ETV6: variants seen among roughly 807,000 people sequenced by gnomAD.
ETV6 encodes transcription factor ETV6.
A neutral mutation model predicts 51.1 loss-of-function variants in ETV6; 16 were observed. The ratio of observed to expected loss-of-function variants is 0.31; its 90% CI spans 0.21 to 0.48. The LOEUF is 0.48. Ranked by LOEUF, ETV6 falls within the 20% of genes least tolerant of loss-of-function variation. The pLI, the probability that ETV6 is intolerant of heterozygous loss-of-function variation, is 0.99. For missense variants in ETV6, 458 were observed against 594.8 expected (o/e 0.77, Z 2.39); for synonymous variants, 240 against 224.1 (o/e 1.07, Z -0.64).
intron 4 of ETV6, among the ~76,000 whole-genome samples, chr12:11,854,175 C>G (rs1004901477): frequency 6.6e-6 from 1 of 152,036 alleles, no homozygotes; most frequent in Non-Finnish European, 1.5e-5. Context: ...GAGTGTGCAA[C>G]TAGATCCCGC....
At chr12:11,741,522 C>T (rs1426910361) in intron 1 of ETV6, among the ~76,000 whole-genome samples, 1 of 152,186 alleles carries the variant, frequency 6.6e-6, no homozygotes, top group African/African-American at 2.4e-5. Context: ...GACACTGCTC[C>T]GTGTGGAGCT....
At position 11,800,745 on chromosome 12, in the gene ETV6, C is replaced by CG. The variant is rs199698534; in HGVS notation, c.164-38395_164-38394insG. On this transcript the variant is annotated intron_variant, in intron 2 of 7. Coordinates refer to ENST00000396373, the MANE Select transcript of ETV6 (RefSeq NM_001987.5). The stretch of plus-strand genomic sequence containing the variant: ...TCTTCATGAGAATGAAGTTACCCCC[C>CG]CAGAAAGGGGGACCAGTTACTCCCC... 5.5e-3 allele frequency among the ~76,000 whole-genome samples: 833 copies of CG among 152,176 alleles called. 11 individuals are homozygous for CG. The highest frequency in any genetic ancestry group is 0.019 in the African/African-American group (794 of 41,504).
intron 1 of ETV6, among the ~76,000 whole-genome samples, chr12:11,653,808 A>G (rs907169059): frequency 2.0e-5 from 3 of 151,872 alleles, no homozygotes; most frequent in African/African-American, 4.9e-5. Context: ...TTTTGATACA[A>G]TAATGTTTTA....
At chr12:11,773,224 T>C (rs549799549) in intron 2 of ETV6, among the ~76,000 whole-genome samples, 24 of 151,012 alleles carry the variant, frequency 1.6e-4, no homozygotes, top group African/African-American at 5.8e-4. Flanking sequence ...GAAATCTTGA[T>C]CTTATTGCCT....
intron 2 of ETV6, among the ~76,000 whole-genome samples, chr12:11,791,613 T>C (rs920672765): frequency 2.0e-5 from 3 of 152,220 alleles, no homozygotes; most frequent in Non-Finnish European, 1.5e-5. Flanking sequence ...TATATCTCCT[T>C]TGTTACAAGA....
At chr12:11,744,127 A>G (rs1185014241) in intron 1 of ETV6, among the ~76,000 whole-genome samples, 2 of 152,164 alleles carry the variant, frequency 1.3e-5, no homozygotes, top group Non-Finnish European at 1.5e-5. Flanking sequence ...TCACGTGGCA[A>G]TAGTACATGC....
intron 2 of ETV6, among the ~76,000 whole-genome samples, chr12:11,789,602 C>G (rs78289924): frequency 6.6e-6 from 1 of 152,102 alleles, no homozygotes; most frequent in Non-Finnish European, 1.5e-5. Context: ...GGGGAGGCAA[C>G]TTTATTGAGA....
intron 1 of ETV6, among the ~76,000 whole-genome samples, chr12:11,721,957 C>T (rs962534220): frequency 6.6e-6 from 1 of 152,108 alleles, no homozygotes; most frequent in African/African-American, 2.4e-5. Context: ...TCAAAGTTGT[C>T]CATCACCCTG....
chr12:11,716,432 A>G (rs547880616), intron 1 of ETV6, among the ~76,000 whole-genome samples: 10 of 151,536 alleles, frequency 6.6e-5, no homozygotes, highest in East Asian at 1.9e-4. Flanking sequence ...ATGCCACCCA[A>G]GCGAGTTGAC....
intron 2 of ETV6, among the ~76,000 whole-genome samples, chr12:11,753,170 C>A (rs1436166831): frequency 6.6e-6 from 1 of 152,074 alleles, no homozygotes; most frequent in Non-Finnish European, 1.5e-5. Context: ...TCAGCAGCTG[C>A]AGTCTGTAGT....
chr12:11,888,544 A>G (rs931573877), intron 7 of ETV6, among the ~76,000 whole-genome samples: 8 of 152,002 alleles, frequency 5.3e-5, no homozygotes, highest in Admixed American at 3.3e-4. Context: ...CTGGAATTAC[A>G]GGTGCCTGCC....
intron 2 of ETV6, among the ~76,000 whole-genome samples, chr12:11,816,630 C>T (rs1565537203): frequency 6.6e-6 from 1 of 152,134 alleles, no homozygotes; most frequent in Admixed American, 6.5e-5. Context: ...AGAGGAGAGA[C>T]CTTAATGTAT....
intron 1 of ETV6, among the ~76,000 whole-genome samples, chr12:11,679,199 T>G (rs907093168): frequency 2.0e-5 from 3 of 152,212 alleles, no homozygotes; most frequent in African/African-American, 7.2e-5. Context: ...ATAAGCACTT[T>G]AGGGGAAAAG....
At chr12:11,809,902 T>G (rs1591689221) in intron 2 of ETV6, among the ~76,000 whole-genome samples, 1 of 140,412 alleles carries the variant, frequency 7.1e-6, no homozygotes, top group Non-Finnish European at 1.5e-5. Context: ...TCACTGCAAC[T>G]TCCGCCTCCC....
chr12:11,731,322 T>A (rs1427925950), intron 1 of ETV6, among the ~76,000 whole-genome samples: 1 of 152,230 alleles, frequency 6.6e-6, no homozygotes, highest in Non-Finnish European at 1.5e-5. Context: ...GAGGAGTAAG[T>A]CAGTGCTACT....
At chr12:11,820,332 CT>C (rs1288944100) in intron 2 of ETV6, among the ~76,000 whole-genome samples, 1 of 152,148 alleles carries the variant, frequency 6.6e-6, no homozygotes, top group Non-Finnish European at 1.5e-5. Context: ...CTAGAAGCTG[CT>C]TGAGACACTG....
At chr12:11,830,040 A>G (rs1946219099) in intron 2 of ETV6, among the ~76,000 whole-genome samples, 2 of 152,162 alleles carry the variant, frequency 1.3e-5, no homozygotes, top group East Asian at 3.9e-4. Context: ...TGGGGAAGGG[A>G]AAGGAGGCAG....
At chr12:11,763,297 G>A (rs1032817454) in intron 2 of ETV6, among the ~76,000 whole-genome samples, 12 of 152,108 alleles carry the variant, frequency 7.9e-5, no homozygotes, top group African/African-American at 2.7e-4. Context: ...AGCATTTTTC[G>A]TGGGGGCTCT....
chr12:11,651,574 CTG>C (rs1166632107), intron 1 of ETV6, among the ~76,000 whole-genome samples: 3 of 152,178 alleles, frequency 2.0e-5, no homozygotes, highest in African/African-American at 7.2e-5. Flanking sequence ...GTATGTATGT[CTG>C]TGGGCATGGG....
Sources: gnomAD v4.1 joint callset for allele counts (sites outside exome capture counted in the v4.1 genomes callset) on GRCh38, gnomAD v4.1.1 for gene constraint, MANE v1.5 for transcripts, NCBI Gene and HGNC (gene_info 2026-07-23, HGNC 2026-07-21) for gene names.